Variants in DCC observed in about 807,000 individuals in gnomAD.
The protein encoded by DCC is netrin receptor DCC.
In DCC, 58 loss-of-function variants were observed where a neutral mutation model predicts 172.5. The observed-to-expected ratio is 0.34, with a 90% CI of 0.27 to 0.42. DCC has a LOEUF of 0.42. Among genes scored for constraint, DCC ranks in the 10% least tolerant of loss-of-function variants. The pLI is 1.00. For synonymous variants in DCC, 709 were observed against 644.5 expected, an observed-to-expected ratio of 1.10 and a Z score of -1.52; for missense variants, 1,740 against 1,791.0, an observed-to-expected ratio of 0.97 and a Z score of 0.51.
intron 1 of DCC, among the ~76,000 whole-genome samples, chr18:52,541,487 C>A (rs894151832): frequency 1.3e-5 from 2 of 152,156 alleles, no homozygotes; most frequent in African/African-American, 2.4e-5. Flanking sequence ...CTAAATTCTA[C>A]TCCCAGGTCC....
chr18:53,184,824 A>G (rs2055255053), intron 9 of DCC, among the ~76,000 whole-genome samples: 1 of 152,202 alleles, frequency 6.6e-6, no homozygotes, highest in Admixed American at 6.5e-5. Flanking sequence ...TTTGGGAAAG[A>G]TACAAAATAT....
rs58217311 is a variant in DCC at position 53,351,354 on chromosome 18, G to GTA, written c.2359+11458_2359+11459dup. The stretch of plus-strand genomic sequence containing the variant: ...TATACAGTGTATATATATATACACA[G>GTA]TATATATATATACTGTATATATATA... On this transcript the variant is annotated intron_variant, in intron 15 of 28. Coordinates refer to ENST00000442544, the MANE Select transcript of DCC (RefSeq NM_005215.4). Among the ~76,000 whole-genome samples the GTA allele has an allele frequency of 5.4e-3, 199 of 37,172 alleles. 42 individuals carry two copies. The highest frequency in any genetic ancestry group is 0.015 in the African/African-American group (187 of 12,302). 24.4% of individuals were successfully genotyped at this position (37,172 alleles called of 152,430 possible).
At chr18:52,641,081 T>A (rs1313645353) in intron 1 of DCC, among the ~76,000 whole-genome samples, 2 of 152,158 alleles carry the variant, frequency 1.3e-5, no homozygotes, top group East Asian at 3.9e-4. Context: ...AGCCAACTGA[T>A]CTTTGACAAA....
At chr18:52,680,466 C>T (rs1045718841) in intron 1 of DCC, among the ~76,000 whole-genome samples, 6 of 152,112 alleles carry the variant, frequency 3.9e-5, no homozygotes, top group Admixed American at 6.6e-5. Flanking sequence ...ATTCCTTTGT[C>T]GTATGTTCTC....
intron 7 of DCC, among the ~76,000 whole-genome samples, chr18:53,096,344 G>T (rs60830517): frequency 0.16 from 23,673 of 151,584 alleles, 2,306 homozygotes; most frequent in African/African-American, 0.27. Flanking sequence ...AGCTAAAAAA[G>T]AATAAAAAAG....
At chr18:53,210,560 A>C (rs1286321351) in intron 11 of DCC, among the ~76,000 whole-genome samples, 2 of 152,198 alleles carry the variant, frequency 1.3e-5, no homozygotes, top group African/African-American at 4.8e-5. Flanking sequence ...TAGACAGCTC[A>C]GTCAAAACTG....
At chr18:52,432,884 G>A (rs748180379) in intron 1 of DCC, among the ~76,000 whole-genome samples, 4 of 152,194 alleles carry the variant, frequency 2.6e-5, no homozygotes, top group Non-Finnish European at 4.4e-5. Context: ...AGAGTTGATA[G>A]AGGGAAATTG....
chr18:52,944,103 T>C (rs993982538), intron 5 of DCC, among the ~76,000 whole-genome samples: 2 of 152,180 alleles, frequency 1.3e-5, no homozygotes, highest in Non-Finnish European at 2.9e-5. Flanking sequence ...ACAACTAACT[T>C]GGGTTTTAAA....
At chr18:53,168,375 C>T (rs1298046939) in intron 8 of DCC, among the ~76,000 whole-genome samples, 2 of 151,936 alleles carry the variant, frequency 1.3e-5, no homozygotes, top group African/African-American at 4.8e-5. Flanking sequence ...CATGGAAAAC[C>T]ATGCAGCCAT....
chr18:53,078,026 G>T (rs1327469376), intron 7 of DCC, among the ~76,000 whole-genome samples: 1 of 152,250 alleles, frequency 6.6e-6, no homozygotes, highest in East Asian at 1.9e-4. Context: ...GTTTAACAAA[G>T]AGTAAATTCG....
chr18:53,530,198 A>G (rs1598855861), intron 28 of DCC: 2 of 639,090 alleles, frequency 3.1e-6, no homozygotes, highest in East Asian at 2.7e-5. Context: ...AGAATAGCCT[A>G]TGAAATAGAT....
At chr18:52,974,134 TAAAGC>T (rs2041074076) in intron 5 of DCC, among the ~76,000 whole-genome samples, 1 of 152,202 alleles carries the variant, frequency 6.6e-6, no homozygotes, top group Admixed American at 6.5e-5. Context: ...ATTTTTATGA[TAAAGC>T]AAGAAATGTA....
intron 7 of DCC, among the ~76,000 whole-genome samples, chr18:53,129,120 C>G (rs973584787): frequency 1.4e-4 from 21 of 151,796 alleles, no homozygotes; most frequent in Non-Finnish European, 2.6e-4. Context: ...CTCCTGACCT[C>G]AAGTGATCTT....
chr18:52,688,220 A>G (rs575261849), intron 1 of DCC, among the ~76,000 whole-genome samples: 1 of 152,012 alleles, frequency 6.6e-6, no homozygotes, highest in African/African-American at 2.4e-5. Flanking sequence ...ATTTACTGAA[A>G]AGTGTAGATG....
chr18:52,951,103 C>A (rs1439653926), intron 5 of DCC, among the ~76,000 whole-genome samples: 1 of 152,002 alleles, frequency 6.6e-6, no homozygotes, highest in African/African-American at 2.4e-5. Flanking sequence ...AAGCTAGAAG[C>A]CACTGTTCGG....
intron 7 of DCC, among the ~76,000 whole-genome samples, chr18:53,113,570 T>C (rs1387602510): frequency 6.6e-6 from 1 of 151,426 alleles, no homozygotes; most frequent in East Asian, 1.9e-4. Flanking sequence ...ATTCATATAG[T>C]ATAAATCCTA....
intron 2 of DCC, among the ~76,000 whole-genome samples, chr18:52,780,359 T>A (rs536544172): frequency 7.2e-5 from 11 of 152,238 alleles, no homozygotes; most frequent in African/African-American, 2.6e-4. Flanking sequence ...AAATTATTAA[T>A]TCCAGTTTTT....
At chr18:52,509,686 C>T (rs771353412) in intron 1 of DCC, among the ~76,000 whole-genome samples, 1 of 152,212 alleles carries the variant, frequency 6.6e-6, no homozygotes, top group African/African-American at 2.4e-5. Flanking sequence ...CCCACTTACC[C>T]GAAGGCATTT....
chr18:52,911,011 C>T (rs371913838), intron 3 of DCC, among the ~76,000 whole-genome samples: 2 of 152,056 alleles, frequency 1.3e-5, no homozygotes, highest in African/African-American at 2.4e-5. Context: ...TTCTTCATCA[C>T]TAAGAACTTA....
Sources: allele counts gnomAD v4.1 joint callset (sites outside exome capture counted in the v4.1 genomes callset), GRCh38; gene constraint gnomAD v4.1.1; transcripts MANE v1.5; gene names NCBI Gene and HGNC (gene_info 2026-07-23, HGNC 2026-07-21).